ACADSB: variants seen among roughly 807,000 people sequenced by gnomAD.
ACADSB encodes the protein short/branched chain specific acyl-CoA dehydrogenase, mitochondrial.
A neutral mutation model predicts 54.1 loss-of-function variants in ACADSB; 40 were observed. The observed-to-expected ratio is 0.74, with a 90% CI of 0.57 to 0.96. The LOEUF is 0.96. ACADSB is among the 40% of genes least tolerant of loss of function. The pLI is 0.00. For missense variants in ACADSB, 530 were observed against 510.4 expected (o/e 1.04, Z -0.37); for synonymous variants, 182 against 182.8 (o/e 1.00, Z 0.03).
chr10:123,047,097 A>G (rs1003468562), intron 7 of ACADSB, 112 bp from the exon 8 acceptor site: 2 of 865,018 alleles, frequency 2.3e-6, no homozygotes, highest in African/African-American at 1.7e-5. Flanking sequence ...CAGCATCTCC[A>G]GTTCTTCCCC....
chr10:123,016,012 A>G (rs765504269), intron 1 of ACADSB, among the ~76,000 whole-genome samples: 1 of 152,228 alleles, frequency 6.6e-6, no homozygotes, highest in Non-Finnish European at 1.5e-5. Context: ...CACATTTTCT[A>G]AATGAAATAG....
In ACADSB at chr10:123,052,900, A is replaced by G. The variant is rs1850651018; in HGVS notation, c.1129-161A>G. ...TAATAGGATGTTTTACAGAAATGGTATGGAGAATGGGACTGAAGAGACAAT... is the reference window on the plus strand; with the variant it reads ...TAATAGGATGTTTTACAGAAATGGTGTGGAGAATGGGACTGAAGAGACAAT... On this transcript the variant is annotated intron_variant, in intron 9 of 10. Transcript: ENST00000358776. This position sits in a 1 kb window ranked among gnomAD's most constrained non-coding sequence, Gnocchi z 4.2. 4.4e-6 allele frequency: 3 copies of G among 681,450 alleles called. No individual in the cohort carries two copies. Among genetic ancestry groups the G allele is most frequent in the South Asian group, 3.1e-5 (2 of 65,134 alleles). The allele number at this position is 681,450 out of a possible 1,614,324, so 42.2% of individuals were successfully genotyped here.
intron 4 of ACADSB, 139 bp from the exon 5 acceptor site, chr10:123,041,069 CA>C (rs1850466325): frequency 2.1e-6 from 2 of 939,234 alleles, no homozygotes; most frequent in Admixed American, 2.4e-5. Context: ...TTCAGAATAC[CA>C]TTGCTATTTT....
At chr10:123,009,121 CCTGGAATCGCAG>C in intron 1 of ACADSB, 50 bp downstream of exon 1, 1 of 1,531,860 alleles carries the variant, frequency 6.5e-7, no homozygotes, top group Non-Finnish European at 8.8e-7. Flanking sequence ...GACCTTGGCC[CCTGGAATCGCAG>C]CTGGCAGAGC....
At chr10:123,031,953 T>A (rs913517489) in intron 1 of ACADSB, among the ~76,000 whole-genome samples, 1 of 152,010 alleles carries the variant, frequency 6.6e-6, no homozygotes, top group African/African-American at 2.4e-5. Flanking sequence ...GCTTTTAAGT[T>A]TCTCAGTAGT....
At chr10:123,032,197 T>C (rs1589737523) in intron 1 of ACADSB, among the ~76,000 whole-genome samples, 1 of 152,090 alleles carries the variant, frequency 6.6e-6, no homozygotes, top group East Asian at 1.9e-4. Context: ...GCCAGGGTGG[T>C]CTTGAACTCC....
At chr10:123,012,449 G>A (rs1222409601) in intron 1 of ACADSB, among the ~76,000 whole-genome samples, 2 of 152,184 alleles carry the variant, frequency 1.3e-5, no homozygotes, top group Non-Finnish European at 2.9e-5. Flanking sequence ...GAATTGGTGG[G>A]TTCTTGGTCT....
chr10:123,047,423 G>A (rs1850575614), intron 8 of ACADSB, 125 bp downstream of exon 8: 1 of 720,560 alleles, frequency 1.4e-6, no homozygotes, highest in Non-Finnish European at 2.5e-6. Context: ...GGGTAGGGGA[G>A]GAAAGAATAG....
chr10:123,051,073 G>T lies in ACADSB; in HGVS notation c.1015G>T (p.Val339Leu), dbSNP rs150034487. The change falls in exon 9 of 11, where the codon GTG (valine) becomes TTG (leucine). Residue 339 changes from valine to leucine, a missense_variant. By Grantham distance (32) the Val-to-Leu change is conservative (BLOSUM62 1). Transcript: ENST00000358776. Reference protein sequence around the residue: ...FQGLQHQVAHVATQLEAARLL... With the variant: ...FQGLQHQVAHLATQLEAARLL... The stretch of plus-strand genomic sequence containing the variant: ...GGGCCTCCAACACCAAGTGGCTCAC[G>T]TGGCCACCCAGCTGGAAGCTGCAAG... The T allele has an allele frequency of 6.2e-7, 1 of 1,612,098 alleles. No individual in the cohort carries two copies. Among genetic ancestry groups the T allele is most frequent in the Admixed American group, 1.7e-5 (1 of 59,956 alleles).
At position 123,040,677 on chromosome 10, in the gene ACADSB, G is replaced by T. The variant is rs1187556216; in HGVS notation, c.510+5G>T. On this transcript the variant is annotated splice_donor_5th_base_variant and intron_variant, in intron 4 of 10. Coordinates refer to ENST00000358776, the MANE Select transcript of ACADSB (RefSeq NM_001609.4). ...CCTCAGCTCACTACAGAAAAAGTGA[G>T]TTGAGATGAATTGTTGATCTAATGG... is the stretch of plus-strand genomic sequence containing the variant. 8.1e-6 allele frequency: 13 copies of T among 1,607,850 alleles called. No homozygotes were observed. Among genetic ancestry groups the T allele is most frequent in the Non-Finnish European group, 1.1e-5 (13 of 1,174,338 alleles).
At chr10:123,010,510 C>T (rs1022356484) in intron 1 of ACADSB, among the ~76,000 whole-genome samples, 1 of 152,176 alleles carries the variant, frequency 6.6e-6, no homozygotes, top group African/African-American at 2.4e-5. Flanking sequence ...TGGTTAAGAA[C>T]GTAGGTTCTG....
At chr10:123,046,990 C>T (rs1295905818) in intron 7 of ACADSB, among the ~76,000 whole-genome samples, 1 of 152,196 alleles carries the variant, frequency 6.6e-6, no homozygotes, top group Non-Finnish European at 1.5e-5. Context: ...TGCTCATATT[C>T]ACATGAAATC....
At chr10:123,031,934 G>C (rs1333362233) in intron 1 of ACADSB, among the ~76,000 whole-genome samples, 1 of 152,050 alleles carries the variant, frequency 6.6e-6, no homozygotes, top group Non-Finnish European at 1.5e-5. Flanking sequence ...ATTAATGTAA[G>C]ATCCACTGGC....
Position 123,037,866 on chromosome 10 carries a change from C to T in ACADSB, c.303+19C>T, listed in dbSNP as rs2133477767. 4 of 1,488,466 alleles carry T rather than the reference C, an allele frequency of 2.7e-6. No homozygotes were observed. In the East Asian group the frequency reaches 9.1e-5, roughly 34 times the overall value. 92.2% of individuals were successfully genotyped at this position (1,488,466 alleles called of 1,614,324 possible). ...ACAAGGGGTACATTTCATAATTCTT[C>T]CACTTTCAAGCTTCTATAATTAAAT... is the stretch of plus-strand genomic sequence containing the variant. On this transcript the variant is annotated intron_variant, in intron 3 of 10. Transcript: ENST00000358776.
At chr10:123,012,067 T>C (rs1233967731) in intron 1 of ACADSB, among the ~76,000 whole-genome samples, 2 of 151,182 alleles carry the variant, frequency 1.3e-5, no homozygotes, top group Non-Finnish European at 2.9e-5. Context: ...GCCAGGCTGG[T>C]CTGGAACTCC....
intron 3 of ACADSB, among the ~76,000 whole-genome samples, chr10:123,038,339 G>T (rs1850426210): frequency 6.6e-6 from 1 of 152,198 alleles, no homozygotes; most frequent in Non-Finnish European, 1.5e-5. Flanking sequence ...TCTACCTGAA[G>T]CTCTATATAA....
At chr10:123,053,306 A>AT (rs1202667612) in intron 10 of ACADSB, 146 bp downstream of exon 10, 4 of 671,492 alleles carry the variant, frequency 6.0e-6, no homozygotes, top group South Asian at 5.6e-5. Flanking sequence ...ATGTGGCTGG[A>AT]TTTTTTTCTT....
intron 1 of ACADSB, among the ~76,000 whole-genome samples, chr10:123,023,572 A>G (rs567316659): frequency 6.6e-6 from 1 of 152,280 alleles, no homozygotes; most frequent in Admixed American, 6.5e-5. Flanking sequence ...TTTACTTTGT[A>G]TGCCCCAATA....
chr10:123,019,178 A>G (rs1322851548), intron 1 of ACADSB, among the ~76,000 whole-genome samples: 1 of 152,210 alleles, frequency 6.6e-6, no homozygotes, highest in African/African-American at 2.4e-5. Flanking sequence ...GTAGATTCTT[A>G]TGCAGTTATA....
Sources: allele counts gnomAD v4.1 joint callset (sites outside exome capture counted in the v4.1 genomes callset), GRCh38; gene constraint gnomAD v4.1.1; non-coding constraint Gnocchi (gnomAD v3.1); transcripts MANE v1.5; gene names NCBI Gene and HGNC (gene_info 2026-07-23, HGNC 2026-07-21).